The following RSRC1 variants were observed in gnomAD, a reference collection of about 807,000 sequenced individuals.
RSRC1 encodes serine/Arginine-related protein 53.
RSRC1 carries 39 observed loss-of-function variants against 49.1 expected under a neutral mutation model. The ratio of observed to expected loss-of-function variants is 0.79; its 90% CI spans 0.61 to 1.04. The LOEUF (loss-of-function observed/expected upper bound fraction) is 1.04. Among genes scored for constraint, RSRC1 ranks in the 50% least tolerant of loss-of-function variants. The pLI is 0.00. For synonymous variants in RSRC1, 143 were observed against 130.8 expected (o/e 1.09, Z -0.63); for missense variants, 388 against 402.4 (o/e 0.96, Z 0.31).
intron 4 of RSRC1, among the ~76,000 whole-genome samples, chr3:158,233,776 A>G (rs1165842266): frequency 6.6e-6 from 1 of 152,200 alleles, no homozygotes; most frequent in African/African-American, 2.4e-5. Flanking sequence ...CAACATCACC[A>G]TGAATTTCCA....
At chr3:158,374,046 G>A (rs1452775655) in intron 6 of RSRC1, among the ~76,000 whole-genome samples, 1 of 151,982 alleles carries the variant, frequency 6.6e-6, no homozygotes, top group Non-Finnish European at 1.5e-5. Flanking sequence ...CCATTTTCAT[G>A]TTCCTATAAT....
intron 3 of RSRC1, among the ~76,000 whole-genome samples, chr3:158,173,761 A>G (rs1719023084): frequency 6.6e-6 from 1 of 152,018 alleles, no homozygotes; most frequent in African/African-American, 2.4e-5. Flanking sequence ...CTACCATGTA[A>G]TATTATTCAA....
intron 4 of RSRC1, among the ~76,000 whole-genome samples, chr3:158,292,945 G>A (rs1167307885): frequency 2.0e-5 from 3 of 152,128 alleles, no homozygotes; most frequent in Non-Finnish European, 4.4e-5. Flanking sequence ...GTTTAAATTT[G>A]AGTGTAGGCA....
At chr3:158,465,403 C>T (rs1737834973) in intron 7 of RSRC1, among the ~76,000 whole-genome samples, 1 of 152,138 alleles carries the variant, frequency 6.6e-6, no homozygotes, top group Non-Finnish European at 1.5e-5. Context: ...GTTATAATCC[C>T]TTCTTTCCCT....
At chr3:158,510,645 T>G (rs1410898348) in intron 7 of RSRC1, among the ~76,000 whole-genome samples, 2 of 152,208 alleles carry the variant, frequency 1.3e-5, no homozygotes, top group African/African-American at 4.8e-5. Context: ...TTATCCTATG[T>G]GTTATAAACA....
intron 4 of RSRC1, among the ~76,000 whole-genome samples, chr3:158,277,773 A>C (rs1725899930): frequency 6.6e-6 from 1 of 152,138 alleles, no homozygotes; most frequent in South Asian, 2.1e-4. Context: ...GCTCATTAAA[A>C]TTTATTTTTA....
At chr3:158,517,064 G>A (rs545471661) in intron 7 of RSRC1, among the ~76,000 whole-genome samples, 5 of 152,288 alleles carry the variant, frequency 3.3e-5, no homozygotes, top group Admixed American at 1.3e-4. Flanking sequence ...CTTCTGCGTC[G>A]CTCACGCTGG....
At chr3:158,138,271 A>C (rs1212098810) in intron 3 of RSRC1, among the ~76,000 whole-genome samples, 1 of 152,154 alleles carries the variant, frequency 6.6e-6, no homozygotes, top group Non-Finnish European at 1.5e-5. Flanking sequence ...TTCAATTTCC[A>C]TGGCTCCTCT....
intron 4 of RSRC1, among the ~76,000 whole-genome samples, chr3:158,238,239 C>T (rs894243798): frequency 6.6e-6 from 1 of 152,182 alleles, no homozygotes. Context: ...AATGAAAGAA[C>T]ATTCCATGCT....
chr3:158,427,906 T>C (rs1432010522), intron 6 of RSRC1, among the ~76,000 whole-genome samples: 1 of 151,824 alleles, frequency 6.6e-6, no homozygotes, highest in African/African-American at 2.4e-5. Context: ...TCAATGACTA[T>C]CTTCATGCAT....
chr3:158,335,854 A>G (rs902149754), intron 5 of RSRC1, among the ~76,000 whole-genome samples: 3 of 152,200 alleles, frequency 2.0e-5, no homozygotes, highest in Non-Finnish European at 4.4e-5. Flanking sequence ...GTTAGAATCT[A>G]TGAAAAATTG....
At chr3:158,282,324 A>C (rs767841627) in intron 4 of RSRC1, among the ~76,000 whole-genome samples, 13 of 152,154 alleles carry the variant, frequency 8.5e-5, no homozygotes, top group Non-Finnish European at 1.6e-4. Context: ...TTTATGTGAC[A>C]ATTTGTAACT....
chr3:158,493,668 T>A (rs1411142108), intron 7 of RSRC1, among the ~76,000 whole-genome samples: 1 of 152,196 alleles, frequency 6.6e-6, no homozygotes, highest in Non-Finnish European at 1.5e-5. Flanking sequence ...GCAGCATTTA[T>A]GGACAGAAAA....
intron 4 of RSRC1, among the ~76,000 whole-genome samples, chr3:158,235,294 C>A (rs1251601073): frequency 1.3e-5 from 2 of 151,964 alleles, no homozygotes; most frequent in Admixed American, 6.6e-5. Context: ...ATGCAAATAA[C>A]CCTGATTACT....
intron 7 of RSRC1, among the ~76,000 whole-genome samples, chr3:158,521,068 T>G (rs1711644267): frequency 6.6e-6 from 1 of 152,172 alleles, no homozygotes; most frequent in Non-Finnish European, 1.5e-5. Flanking sequence ...TTTTGAGACA[T>G]AACAGAATGA....
intron 3 of RSRC1, among the ~76,000 whole-genome samples, chr3:158,177,998 A>G (rs1386656792): frequency 6.6e-6 from 1 of 152,186 alleles, no homozygotes; most frequent in African/African-American, 2.4e-5. Context: ...TTGTCAATTC[A>G]CTTTTTCAAA....
intron 7 of RSRC1, among the ~76,000 whole-genome samples, chr3:158,483,242 T>C (rs1308653066): frequency 1.3e-5 from 2 of 152,068 alleles, no homozygotes; most frequent in African/African-American, 2.4e-5. Context: ...GGTCTATTAG[T>C]GGTAGTAATT....
rs1035549121 is a variant in RSRC1, at chr3:158,537,013, A to G, written c.653-79A>G. The G allele has an allele frequency of 3.6e-6, 3 of 844,320 alleles. No homozygotes were observed. In the African/African-American group the frequency reaches 5.2e-5, roughly 15 times the overall value. The allele number at this position is 844,320 out of a possible 1,614,324, so 52.3% of individuals were successfully genotyped here. A position where few individuals can be genotyped will look rare whatever the true frequency, so the allele number is the denominator to read the frequency against. ...TCTTTTTATCCAATTAAATTTCTTC[A>G]TAGAAAGAACATTGCTTAGGTGTAG... On this transcript the variant is annotated intron_variant, in intron 7 of 9. Transcript: ENST00000611884.
At chr3:158,158,666 A>G (rs1425577896) in intron 3 of RSRC1, among the ~76,000 whole-genome samples, 1 of 152,146 alleles carries the variant, frequency 6.6e-6, no homozygotes, top group Non-Finnish European at 1.5e-5. Context: ...TTGGCTGGGC[A>G]TAGTGGCTCA....
Sources: allele counts gnomAD v4.1 joint callset (sites outside exome capture counted in the v4.1 genomes callset), GRCh38; gene constraint gnomAD v4.1.1; transcripts MANE v1.5; gene names NCBI Gene and HGNC (gene_info 2026-07-23, HGNC 2026-07-21).